Variants in HNF4G observed in about 807,000 individuals in gnomAD.
HNF4G encodes hepatocyte nuclear factor 4 gamma, also known as hepatocyte nuclear factor 4-gamma.
A neutral mutation model predicts 50.9 loss-of-function variants in HNF4G; 21 were observed. The ratio of observed to expected loss-of-function variants is 0.41; its 90% CI spans 0.29 to 0.59. The LOEUF is 0.59. Ranked by LOEUF, HNF4G falls within the 20% of genes least tolerant of loss-of-function variation. The pLI is 0.26. For missense variants in HNF4G, 527 were observed against 559.4 expected (o/e 0.94, Z 0.58); for synonymous variants, 198 against 185.6 (o/e 1.07, Z -0.54).
chr8:75,444,812 T>C (rs879044289), intron 1 of HNF4G, among the ~76,000 whole-genome samples: 3,472 of 93,366 alleles, frequency 0.037, 46 homozygotes, highest in Middle Eastern at 0.048. Context: ...AGACTTAGAC[T>C]CCCAAACATT....
chr8:75,506,549 G>A lies in HNF4G; in HGVS notation c.-24+16341G>A, dbSNP rs186405903. On this transcript the variant is annotated intron_variant, in intron 2 of 10. Coordinates refer to the HNF4G transcript ENST00000354370. The stretch of plus-strand genomic sequence containing the variant: ...CAAACCACCTCATTCTCATATCCCT[G>A]AATTCTTACAAGGAGACATATATTT... 1.3e-5 allele frequency among the ~76,000 whole-genome samples: 2 copies of A among 152,184 alleles called. 1 individual carries two copies. Among genetic ancestry groups the A allele is most frequent in the Admixed American group, 1.3e-4 (2 of 15,288 alleles).
In HNF4G at chr8:75,543,933, G is replaced by A; in HGVS notation, c.241G>A (p.Gly81Ser). 1.2e-6 allele frequency: 2 copies of A among 1,606,842 alleles called. No homozygotes were observed. Among genetic ancestry groups the A allele is most frequent in the Non-Finnish European group, 1.7e-6 (2 of 1,175,878 alleles). The stretch of plus-strand genomic sequence containing the variant: ...GGCATCCAGCTGTGATGGGTGCAAG[G>A]GTTTCTTCAGACGCAGCATTCGTAA... Reference protein sequence around the residue: ...YGASSCDGCKGFFRRSIRKSH... With the variant: ...YGASSCDGCKSFFRRSIRKSH... Residue 81 changes from glycine to serine, a missense_variant, in exon 2 of 10, where the codon GGT becomes AGT. Transcript: ENST00000396423.
chr8:75,557,273 T>C lies in HNF4G; in HGVS notation c.733+1204T>C, dbSNP rs73331866. Among the ~76,000 whole-genome samples, 1,036 of 152,312 alleles carry C rather than the reference T, an allele frequency of 6.8e-3. 12 individuals are homozygous for C. The highest frequency in any genetic ancestry group is 0.023 in the African/African-American group (973 of 41,578). ...GATAGTAACTATGTGAGGTGAAATATATGTTAATGAGTTTTACTATGGTAA... is the reference window on the plus strand; with the variant it reads ...GATAGTAACTATGTGAGGTGAAATACATGTTAATGAGTTTTACTATGGTAA... On this transcript the variant is annotated intron_variant, in intron 6 of 9. Coordinates refer to ENST00000396423, the MANE Select transcript of HNF4G (RefSeq NM_004133.5).
chr8:75,551,535 T>A (rs1806959975), intron 4 of HNF4G, 41 bp downstream of exon 4: 1 of 1,188,922 alleles, frequency 8.4e-7, no homozygotes, highest in East Asian at 2.3e-5. Context: ...TTTAATAAAA[T>A]CAAATGTCCA....
At chr8:75,544,313 A>T (rs1294542048) in intron 2 of HNF4G, among the ~76,000 whole-genome samples, 1 of 152,278 alleles carries the variant, frequency 6.6e-6, no homozygotes, top group Middle Eastern at 3.4e-3. Flanking sequence ...TTGCCATTTC[A>T]TGTTATCTTT....
chr8:75,519,430 C>T (rs1805978466), intron 2 of HNF4G, among the ~76,000 whole-genome samples: 1 of 152,152 alleles, frequency 6.6e-6, no homozygotes, highest in South Asian at 2.1e-4. Flanking sequence ...TCCCACTCTT[C>T]CAGTACCAAT....
intron 2 of HNF4G, among the ~76,000 whole-genome samples, chr8:75,528,044 A>G (rs2130760127): frequency 6.6e-6 from 1 of 152,330 alleles, no homozygotes; most frequent in Middle Eastern, 3.4e-3. Context: ...AACCCTGTTC[A>G]TGTGAGAGTG....
intron 2 of HNF4G, among the ~76,000 whole-genome samples, chr8:75,508,044 GA>G (rs1307798503): frequency 1.3e-5 from 2 of 150,972 alleles, no homozygotes; most frequent in Admixed American, 1.3e-4. Flanking sequence ...AAAGCGAGAA[GA>G]AAAGGGAGAA....
intron 2 of HNF4G, among the ~76,000 whole-genome samples, chr8:75,497,065 G>T (rs1048587977): frequency 7.4e-6 from 1 of 135,888 alleles, no homozygotes; most frequent in Admixed American, 6.9e-5. Context: ...TTTCTCACTA[G>T]CTTTGATGGG....
At chr8:75,505,131 A>G (rs1473481427) in intron 2 of HNF4G, among the ~76,000 whole-genome samples, 3 of 152,176 alleles carry the variant, frequency 2.0e-5, no homozygotes, top group Non-Finnish European at 4.4e-5. Flanking sequence ...TCTCCATGCC[A>G]ACCTTTTCTG....
intron 1 of HNF4G, among the ~76,000 whole-genome samples, chr8:75,437,500 G>A (rs187774835): frequency 4.3e-4 from 65 of 151,988 alleles, no homozygotes; most frequent in Non-Finnish European, 7.1e-4. Context: ...CGGGGCAAGG[G>A]GCCTTAAACT....
Position 75,429,066 on chromosome 8 carries a change from T to C in HNF4G, c.-144+20904T>C, listed in dbSNP as rs200857906. 9.8e-5 allele frequency among the ~76,000 whole-genome samples: 15 copies of C among 152,290 alleles called. No individual in the cohort carries two copies. The East Asian group carries it at 2.5e-3, about 25-fold the overall frequency. Reference sequence around the variant, plus strand: ...GGGCAAAATATAAGGGACTTCGTAATAATTTAGAAATGGCAAGTGTGCGAG... The same window carrying C: ...GGGCAAAATATAAGGGACTTCGTAACAATTTAGAAATGGCAAGTGTGCGAG... On this transcript the variant is annotated intron_variant, in intron 1 of 10. Coordinates refer to the HNF4G transcript ENST00000354370.
chr8:75,505,729 C>T (rs533640643), intron 2 of HNF4G, among the ~76,000 whole-genome samples: 36 of 150,050 alleles, frequency 2.4e-4, no homozygotes, highest in Non-Finnish European at 4.4e-4. Flanking sequence ...TATACATATT[C>T]GGGAATTCTT....
At chr8:75,481,072 T>C (rs1178540782) in intron 1 of HNF4G, among the ~76,000 whole-genome samples, 1 of 152,136 alleles carries the variant, frequency 6.6e-6, no homozygotes, top group Non-Finnish European at 1.5e-5. Context: ...CAAACGGTGC[T>C]CTGCAGAGTC....
chr8:75,539,939 A>C lies in HNF4G; in HGVS notation c.-24A>C, dbSNP rs1806566036. On this transcript the variant is annotated 5_prime_UTR_variant, in exon 1 of 10. Coordinates refer to ENST00000396423, the MANE Select transcript of HNF4G (RefSeq NM_004133.5). ...TCACGCACTCTGGGCTTGTGGTGCC[A>C]CTTGTATGTGTGTTTCTAAATCAAT... is the stretch of plus-strand genomic sequence containing the variant. 9.3e-7 allele frequency: 1 copy of C among 1,073,768 alleles called. No individual in the cohort carries two copies. Among genetic ancestry groups the C allele is most frequent in the African/African-American group, 1.6e-5 (1 of 64,078 alleles). The allele number at this position is 1,073,768 out of a possible 1,614,324, so 66.5% of individuals were successfully genotyped here. A position where few individuals can be genotyped will look rare whatever the true frequency, so the allele number is the denominator to read the frequency against.
intron 1 of HNF4G, among the ~76,000 whole-genome samples, chr8:75,411,180 A>C (rs540950196): frequency 6.6e-6 from 1 of 152,340 alleles, no homozygotes; most frequent in East Asian, 1.9e-4. Flanking sequence ...CGTGAACGTA[A>C]CTATGGCTGC....
Position 75,426,163 on chromosome 8 carries a change from C to G in HNF4G, c.-144+18001C>G, listed in dbSNP as rs375355792. Among the ~76,000 whole-genome samples, 681 of 152,234 alleles carry G rather than the reference C, an allele frequency of 4.5e-3. 4 individuals are homozygous for G. Among genetic ancestry groups the G allele is most frequent in the South Asian group, 1.0e-2 (48 of 4,824 alleles). On this transcript the variant is annotated intron_variant, in intron 1 of 10. Transcript: ENST00000354370. The stretch of plus-strand genomic sequence containing the variant: ...GCTTACTGTACATGCAACTATATAA[C>G]TATTTTTTCACAACAATATATTCCT...
rs1026532507 is a variant in HNF4G at position 75,566,377 on chromosome 8, A to C, written c.*2281A>C. ...AAAACACAAAAATTCAGAACATAGC[A>C]AATACCTTTGAAGTATAAAAGATAA... On this transcript the variant is annotated 3_prime_UTR_variant, in exon 10 of 10. Transcript: ENST00000396423. 3.9e-5 allele frequency: 6 copies of C among 152,434 alleles called. No homozygotes were observed. Among genetic ancestry groups the C allele is most frequent in the African/African-American group, 1.4e-4 (6 of 41,442 alleles). The allele number at this position is 152,434 out of a possible 1,614,324, so 9.4% of individuals were successfully genotyped here. A position where few individuals can be genotyped will look rare whatever the true frequency, so the allele number is the denominator to read the frequency against.
intron 1 of HNF4G, among the ~76,000 whole-genome samples, chr8:75,408,624 C>T (rs1217948088): frequency 1.3e-5 from 2 of 152,166 alleles, no homozygotes; most frequent in Non-Finnish European, 2.9e-5. Context: ...TAACAACGTG[C>T]CAGTTAAGCA....
Sources: allele counts gnomAD v4.1 joint callset (sites outside exome capture counted in the v4.1 genomes callset), GRCh38; gene constraint gnomAD v4.1.1; transcripts MANE v1.5; gene names NCBI Gene and HGNC (gene_info 2026-07-23, HGNC 2026-07-21).